Variants in CCDC136 observed in about 807,000 individuals in gnomAD.
CCDC136 encodes coiled-coil domain-containing protein 136.
A neutral mutation model predicts 141.2 loss-of-function variants in CCDC136; 100 were observed. That is an observed-to-expected ratio of 0.71 (90% CI 0.60 to 0.84). The LOEUF (loss-of-function observed/expected upper bound fraction) is 0.84. Ranked by LOEUF, CCDC136 falls within the 40% of genes least tolerant of loss-of-function variation. The pLI is 0.00. For synonymous variants in CCDC136, 474 were observed against 531.9 expected (o/e 0.89, Z 1.50); for missense variants, 1,206 against 1,379.4 (o/e 0.87, Z 1.99).
Position 128,805,041 on chromosome 7 carries a change from C to T in CCDC136, c.782+280C>T, listed in dbSNP as rs1042067360. Among the ~76,000 whole-genome samples, 6 of 152,172 alleles carry T rather than the reference C, an allele frequency of 3.9e-5. No individual in the cohort carries two copies. Among genetic ancestry groups the T allele is most frequent in the Admixed American group, 2.0e-4 (3 of 15,274 alleles). On this transcript the variant is annotated intron_variant, in intron 5 of 17. Transcript: ENST00000297788. The surrounding 1 kb of genome is among the most constrained non-coding windows in gnomAD (Gnocchi z 4.6). ...GCCCTAAAGTGGATCAGAAGAGATT[C>T]TTTTATTGTCTGCATAGACTTGTTT...
upstream of CCDC136, chr7:128,791,581 C>T: frequency 8.1e-7 from 1 of 1,230,772 alleles, no homozygotes; most frequent in Non-Finnish European, 1.0e-6. This position sits in a 1 kb window ranked among gnomAD's most constrained non-coding sequence, Gnocchi z 7.1. Flanking sequence ...CACCTGTCTA[C>T]CGCCCCTCCT....
chr7:128,815,485 G>A, intron 15 of CCDC136, 129 bp from the exon 16 acceptor site: 1 of 1,047,054 alleles, frequency 9.6e-7, no homozygotes, highest in Non-Finnish European at 1.4e-6. Flanking sequence ...CAGTCCCAGA[G>A]CACCGGGCCA....
Position 128,792,193 on chromosome 7 carries a change from GCACCTC to G in CCDC136, c.-215_-210del. ...TCGCAGAGCCGCCAGAGTGAGTCAGGCACCTCCACTGGGATTACAGATCCCAGAGCC... is the reference window on the plus strand; with the variant it reads ...TCGCAGAGCCGCCAGAGTGAGTCAGGCACTGGGATTACAGATCCCAGAGCC... On this transcript the variant is annotated 5_prime_UTR_variant, in exon 1 of 18. Coordinates refer to ENST00000297788, the MANE Select transcript of CCDC136 (RefSeq NM_022742.5). The G allele has an allele frequency of 6.8e-7, 1 of 1,464,882 alleles. No individual in the cohort carries two copies. Among genetic ancestry groups the G allele is most frequent in the Non-Finnish European group, 9.0e-7 (1 of 1,115,076 alleles). 90.7% of individuals were successfully genotyped at this position (1,464,882 alleles called of 1,614,324 possible).
At chr7:128,795,967 G>T (rs995440673) in intron 3 of CCDC136, among the ~76,000 whole-genome samples, 2 of 152,050 alleles carry the variant, frequency 1.3e-5, no homozygotes, top group Non-Finnish European at 2.9e-5. Context: ...AGAGGAGGTG[G>T]GATGGGAGTT....
chr7:128,793,501 C>T (rs1254427244), intron 1 of CCDC136, among the ~76,000 whole-genome samples: 2 of 152,172 alleles, frequency 1.3e-5, no homozygotes, highest in African/African-American at 2.4e-5. Flanking sequence ...CCAATGAAAC[C>T]TCTACAATCA....
At chr7:128,800,231 A>G (rs1012660133) in intron 3 of CCDC136, among the ~76,000 whole-genome samples, 2 of 152,058 alleles carry the variant, frequency 1.3e-5, no homozygotes, top group Non-Finnish European at 2.9e-5. Flanking sequence ...CATAGATCTG[A>G]TACTTTCTTT....
intron 1 of CCDC136, 75 bp downstream of exon 1, chr7:128,792,502 C>T (rs1222158068): frequency 8.3e-7 from 1 of 1,211,236 alleles, no homozygotes; most frequent in Non-Finnish European, 1.2e-6. Flanking sequence ...CCTCTGACCC[C>T]CAGGCCTCTG....
chr7:128,804,917 T>C (rs188999505), intron 5 of CCDC136, among the ~76,000 whole-genome samples, 156 bp downstream of exon 5: 48 of 152,308 alleles, frequency 3.2e-4, no homozygotes, highest in African/African-American at 1.1e-3. Flanking sequence ...AGATACCACC[T>C]ACAAGCAGAC....
At chr7:128,792,484 C>G in intron 1 of CCDC136, 57 bp downstream of exon 1, 1 of 1,379,984 alleles carries the variant, frequency 7.2e-7, no homozygotes. Context: ...TAATTCCCTT[C>G]TTTCCTCCCT....
At chr7:128,819,355 A>G (rs1807127143) in intron 17 of CCDC136, among the ~76,000 whole-genome samples, 2 of 152,326 alleles carry the variant, frequency 1.3e-5, no homozygotes, top group African/African-American at 4.8e-5. Context: ...GGCGGTCAGA[A>G]GAACTTGGTT....
In CCDC136 at chr7:128,821,588, CG is replaced by C. The variant is rs1807444246; in HGVS notation, c.*6-209del. 6.6e-6 allele frequency among the ~76,000 whole-genome samples: 1 copy of C among 152,190 alleles called. No homozygotes were observed. Among genetic ancestry groups the C allele is most frequent in the Non-Finnish European group, 1.5e-5 (1 of 68,042 alleles). ...GGAGAAACGGAGGCCTGAATACAGG[CG>C]GTCACCTAAGGTGGTGCGTACAGTG... is the stretch of plus-strand genomic sequence containing the variant. On this transcript the variant is annotated intron_variant, in intron 17 of 17. Coordinates refer to ENST00000297788, the MANE Select transcript of CCDC136 (RefSeq NM_022742.5). The surrounding 1 kb of genome is among the most constrained non-coding windows in gnomAD (Gnocchi z 5.1).
At chr7:128,795,973 G>A (rs1233910584) in intron 3 of CCDC136, among the ~76,000 whole-genome samples, 1 of 152,080 alleles carries the variant, frequency 6.6e-6, no homozygotes, top group Non-Finnish European at 1.5e-5. Flanking sequence ...GGTGGGATGG[G>A]AGTTTATTTT....
chr7:128,810,498 C>A, intron 12 of CCDC136, 132 bp downstream of exon 12: 1 of 646,440 alleles, frequency 1.5e-6, no homozygotes, highest in Non-Finnish European at 2.7e-6. Context: ...AAAGCCCTGC[C>A]TTTCACCAGC....
In CCDC136 at chr7:128,815,701, GA is replaced by G; in HGVS notation, c.3134del (p.Glu1045GlyfsTer6). ...GGAGGAAAAGAAAGAGGAGATGGAG[GA>G]GGAAAAAAAGCAAGTGAAAGAGGAA... The part of the protein sequence containing the change: ...KEEEKKEEME[E>X]EKKQVKEEAK... On this transcript the variant is annotated frameshift_variant, in exon 16 of 18. Transcript: ENST00000297788. LOFTEE classifies it high-confidence loss of function. 1 of 1,555,576 alleles carries G rather than the reference GA, an allele frequency of 6.4e-7. No homozygotes were observed. The highest frequency in any genetic ancestry group is 8.7e-7 in the Non-Finnish European group (1 of 1,149,330).
At chr7:128,814,466 A>G (rs1381060726) in intron 14 of CCDC136, among the ~76,000 whole-genome samples, 172 bp from the exon 15 acceptor site, 1 of 152,102 alleles carries the variant, frequency 6.6e-6, no homozygotes, top group Non-Finnish European at 1.5e-5. Flanking sequence ...AAACTATTTG[A>G]GAGGCTCATT....
intron 3 of CCDC136, among the ~76,000 whole-genome samples, chr7:128,798,753 G>A (rs1292496262): frequency 6.6e-6 from 1 of 152,172 alleles, no homozygotes; most frequent in African/African-American, 2.4e-5. Context: ...TGGGGGTAGA[G>A]CGGACTTTTC....
rs1427473752 is a variant in CCDC136 at position 128,808,557 on chromosome 7, T to C, written c.1606-893T>C. The C allele has an allele frequency of 4.1e-6, 4 of 985,374 alleles. No individual in the cohort carries two copies. The African/African-American group carries it at 7.0e-5, about 17-fold the overall frequency. The allele number at this position is 985,374 out of a possible 1,614,324, so 61.0% of individuals were successfully genotyped here. On this transcript the variant is annotated intron_variant, in intron 10 of 17. Coordinates refer to ENST00000297788, the MANE Select transcript of CCDC136 (RefSeq NM_022742.5). The stretch of plus-strand genomic sequence containing the variant: ...TGGGAAATGGAAAGGTGTTGAAGCA[T>C]GTTGGAGAAGAGGCCCAAGAGTCTC...
chr7:128,819,722 C>T (rs1036899539), intron 17 of CCDC136, among the ~76,000 whole-genome samples: 11 of 152,020 alleles, frequency 7.2e-5, no homozygotes, highest in African/African-American at 1.2e-4. Flanking sequence ...CAGGAAGCTG[C>T]GAGTCAGATT....
Position 128,794,818 on chromosome 7 carries a change from C to G in CCDC136, c.346+50C>G. 6.9e-7 allele frequency: 1 copy of G among 1,449,310 alleles called. No homozygotes were observed. Among genetic ancestry groups the G allele is most frequent in the Non-Finnish European group, 9.4e-7 (1 of 1,058,368 alleles). 89.8% of individuals were successfully genotyped at this position (1,449,310 alleles called of 1,614,324 possible). On this transcript the variant is annotated intron_variant, in intron 3 of 17. Coordinates refer to ENST00000297788, the MANE Select transcript of CCDC136 (RefSeq NM_022742.5). This position sits in a 1 kb window ranked among gnomAD's most constrained non-coding sequence, Gnocchi z 4.3. ...GGGAGGTGGCCATCCAAGTGGTCACCTAAGTACTTTTTTCCTGAGGGTTTG... is the reference window on the plus strand; with the variant it reads ...GGGAGGTGGCCATCCAAGTGGTCACGTAAGTACTTTTTTCCTGAGGGTTTG...
Sources: allele counts gnomAD v4.1 joint callset (sites outside exome capture counted in the v4.1 genomes callset), GRCh38; gene constraint gnomAD v4.1.1; non-coding constraint Gnocchi (gnomAD v3.1); transcripts MANE v1.5; gene names NCBI Gene and HGNC (gene_info 2026-07-23, HGNC 2026-07-21).